MYBPC1: variants seen among roughly 807,000 people sequenced by gnomAD.
The protein encoded by MYBPC1 is myosin-binding protein C, slow-type.
MYBPC1 carries 52 observed loss-of-function variants against 147.1 expected under a neutral mutation model. The observed-to-expected ratio is 0.35, with a 90% CI of 0.28 to 0.45. The LOEUF is 0.45. Among genes scored for constraint, MYBPC1 ranks in the 20% least tolerant of loss-of-function variants. The pLI, the probability that MYBPC1 is intolerant of heterozygous loss-of-function variation, is 1.00. For missense variants in MYBPC1, 1,228 were observed against 1,440.3 expected, an observed-to-expected ratio of 0.85 and a Z score of 2.39; for synonymous variants, 477 against 475.9, an observed-to-expected ratio of 1.00 and a Z score of -0.03.
chr12:101,620,049 C>T (rs952784990), intron 3 of MYBPC1, among the ~76,000 whole-genome samples: 3 of 152,154 alleles, frequency 2.0e-5, no homozygotes, highest in African/African-American at 7.2e-5. Flanking sequence ...TGATTGTTTG[C>T]TTGCTTGCTT....
At chr12:101,644,257 G>C (rs946496213) in intron 11 of MYBPC1, among the ~76,000 whole-genome samples, 2 of 152,000 alleles carry the variant, frequency 1.3e-5, no homozygotes, top group Non-Finnish European at 2.9e-5. Flanking sequence ...GGCCGGTTTC[G>C]ATCTCCTGGC....
intron 5 of MYBPC1, chr12:101,628,103 A>G: frequency 2.8e-6 from 1 of 360,838 alleles, no homozygotes; most frequent in Non-Finnish European, 5.3e-6. Context: ...AAAGTTAGAT[A>G]ATAATTCACA....
At chr12:101,608,640 T>C (rs1169539541) in intron 1 of MYBPC1, among the ~76,000 whole-genome samples, 1 of 152,112 alleles carries the variant, frequency 6.6e-6, no homozygotes, top group African/African-American at 2.4e-5. Context: ...ATTGACTGAG[T>C]GTTATTTGCT....
chr12:101,692,084 G>A, the MYBPC1 span, among the ~76,000 whole-genome samples: 1 of 152,150 alleles, frequency 6.6e-6, no homozygotes, highest in Non-Finnish European at 1.5e-5. Context: ...GGGAACAAAT[G>A]AGAGTGGGTT....
chr12:101,617,174 A>G lies in MYBPC1; in HGVS notation c.62-28A>G, dbSNP rs759591466. 3.1e-6 allele frequency: 5 copies of G among 1,612,698 alleles called. No individual in the cohort carries two copies. The East Asian group carries it at 8.9e-5, about 29-fold the overall frequency. On this transcript the variant is annotated intron_variant, in intron 2 of 31. Coordinates refer to ENST00000361466, the MANE Select transcript of MYBPC1 (RefSeq NM_002465.4). ...ACAATAAAATGCTTTAAGGCACTTT[A>G]AAAAATATGCTTGTACTTTCTACAC... is the stretch of plus-strand genomic sequence containing the variant.
intron 14 of MYBPC1, 42 bp downstream of exon 14, chr12:101,648,192 A>G (rs2136250624): frequency 6.8e-7 from 1 of 1,469,618 alleles, no homozygotes; most frequent in East Asian, 2.3e-5. Context: ...TAATAGACAA[A>G]AAAATTGGAC....
rs1900210484 is a variant in MYBPC1 at position 101,677,247 on chromosome 12, G to C, written c.2962G>C (p.Val988Leu). Reference protein sequence around the residue: ...ADKKSMEWFTVIEHYHRTSAT... With the variant: ...ADKKSMEWFTLIEHYHRTSAT... ...TTTTTTCTTTTAGGAATGGTTTACTGTCATTGAGCATTATCATCGAACCAG... is the reference window on the plus strand; with the variant it reads ...TTTTTTCTTTTAGGAATGGTTTACTCTCATTGAGCATTATCATCGAACCAG... The change falls in exon 27 of 32, where the codon GTC (valine) becomes CTC (leucine). Residue 988 changes from valine (V) to leucine (L), a missense_variant. Physicochemically the swap from Val to Leu is conservative, Grantham distance 32. Coordinates refer to ENST00000361466, the MANE Select transcript of MYBPC1 (RefSeq NM_002465.4). 2 of 1,612,932 alleles carry C rather than the reference G, an allele frequency of 1.2e-6. No individual in the cohort carries two copies. The highest frequency in any genetic ancestry group is 1.7e-6 in the Non-Finnish European group (2 of 1,179,382).
intron 15 of MYBPC1, chr12:101,650,995 C>T (rs925543480): frequency 3.3e-5 from 17 of 512,278 alleles, no homozygotes; most frequent in Non-Finnish European, 5.6e-5. Flanking sequence ...TTGTGCATTC[C>T]TTGCTGGGTC....
At chr12:101,644,909 A>G in intron 12 of MYBPC1, 113 bp downstream of exon 12, 1 of 1,059,218 alleles carries the variant, frequency 9.4e-7, no homozygotes, top group Non-Finnish European at 1.4e-6. Context: ...ATACAAAATC[A>G]TATGGAGAGA....
At chr12:101,686,869 C>T (rs1951355254), downstream of MYBPC1, among the ~76,000 whole-genome samples, 2 of 152,074 alleles carry the variant, frequency 1.3e-5, no homozygotes, top group South Asian at 4.1e-4. Flanking sequence ...AAAAGAAAGT[C>T]TAGTTTATGT....
intron 8 of MYBPC1, among the ~76,000 whole-genome samples, chr12:101,633,500 A>G (rs1890337720): frequency 6.6e-6 from 1 of 152,092 alleles, no homozygotes; most frequent in South Asian, 2.1e-4. Context: ...CAGCCTGGCC[A>G]ACATGGTGAA....
At chr12:101,603,222 T>C (rs1362306695) in intron 1 of MYBPC1, among the ~76,000 whole-genome samples, 5 of 151,916 alleles carry the variant, frequency 3.3e-5, no homozygotes, top group African/African-American at 1.2e-4. Flanking sequence ...CGCATGCCTG[T>C]AATCCCAGCT....
At chr12:101,691,977 C>T in the MYBPC1 span, among the ~76,000 whole-genome samples, 2 of 152,118 alleles carry the variant, frequency 1.3e-5, no homozygotes, top group Non-Finnish European at 2.9e-5. Context: ...CTGGAAGAAT[C>T]TGAGAGGTCA....
At chr12:101,654,446 TGC>T in intron 18 of MYBPC1, among the ~76,000 whole-genome samples, 1 of 152,134 alleles carries the variant, frequency 6.6e-6, no homozygotes, top group Admixed American at 6.5e-5. Context: ...TCAAGCTTAT[TGC>T]CATAAAAGAG....
At chr12:101,614,552 A>T in intron 2 of MYBPC1, 21 bp downstream of exon 2, 1 of 1,612,602 alleles carries the variant, frequency 6.2e-7, no homozygotes, top group South Asian at 1.1e-5. Context: ...ACACTCACTC[A>T]CACACGTTTG....
chr12:101,670,231 C>A, intron 23 of MYBPC1, 90 bp from the exon 24 acceptor site: 1 of 977,138 alleles, frequency 1.0e-6, no homozygotes, highest in Admixed American at 1.7e-5. Flanking sequence ...CACAAGGGTA[C>A]GCTGGTGAGC....
At chr12:101,634,198 C>A (rs1353170811) in intron 8 of MYBPC1, among the ~76,000 whole-genome samples, 1 of 152,214 alleles carries the variant, frequency 6.6e-6, no homozygotes, top group Non-Finnish European at 1.5e-5. Context: ...CCGCGCCCGG[C>A]CCCTGGAGGG....
At chr12:101,670,986 T>TAC (rs10640117) in intron 24 of MYBPC1, among the ~76,000 whole-genome samples, 91,997 of 150,962 alleles carry the variant, frequency 0.61, 29,761 homozygotes, top group Admixed American at 0.74. Context: ...CTTATACAAA[T>TAC]ACACACACAC....
the MYBPC1 span, among the ~76,000 whole-genome samples, chr12:101,692,947 C>CTTT: frequency 4.0e-3 from 519 of 129,108 alleles, 13 homozygotes; most frequent in East Asian, 0.011. Context: ...ATTACCTTCA[C>CTTT]TTTTTTTTTT....
Sources: gnomAD v4.1 joint callset for allele counts (sites outside exome capture counted in the v4.1 genomes callset) on GRCh38, gnomAD v4.1.1 for gene constraint, MANE v1.5 for transcripts, NCBI Gene and HGNC (gene_info 2026-07-23, HGNC 2026-07-21) for gene names.